Variants in HMG20A observed in about 807,000 individuals in gnomAD.
HMG20A encodes high mobility group protein 20A.
A neutral mutation model predicts 43.9 loss-of-function variants in HMG20A; 17 were observed. That is an observed-to-expected ratio of 0.39 (90% CI 0.27 to 0.58). The LOEUF (loss-of-function observed/expected upper bound fraction) is 0.58, where lower values mean the gene tolerates loss of function less well. Ranked by LOEUF, HMG20A falls within the 20% of genes least tolerant of loss-of-function variation. The pLI is 0.59. For synonymous variants in HMG20A, 132 were observed against 147.5 expected, an observed-to-expected ratio of 0.89 and a Z score of 0.76; for missense variants, 341 against 438.2, an observed-to-expected ratio of 0.78 and a Z score of 1.98.
intron 1 of HMG20A, among the ~76,000 whole-genome samples, chr15:77,429,678 A>G (rs1213586742): frequency 6.6e-6 from 1 of 152,244 alleles, no homozygotes; most frequent in East Asian, 1.9e-4. Context: ...TGATATCTAT[A>G]CTGTCTAAAA....
intron 1 of HMG20A, among the ~76,000 whole-genome samples, chr15:77,446,391 A>G (rs983617670): frequency 5.3e-5 from 8 of 152,160 alleles, no homozygotes; most frequent in African/African-American, 1.9e-4. Context: ...ATAGTGACAT[A>G]TGATAAACTG....
chr15:77,445,977 A>AG (rs1165916910), intron 1 of HMG20A, among the ~76,000 whole-genome samples: 1 of 152,234 alleles, frequency 6.6e-6, no homozygotes, highest in Non-Finnish European at 1.5e-5. Context: ...ACCACAGATA[A>AG]GGGGGGACTA....
chr15:77,464,503 C>A, intron 3 of HMG20A, 116 bp downstream of exon 3: 1 of 1,000,182 alleles, frequency 1.0e-6, no homozygotes, highest in Non-Finnish European at 1.4e-6. Flanking sequence ...TAGGCTGATA[C>A]CTGCAAAATT....
intron 1 of HMG20A, among the ~76,000 whole-genome samples, chr15:77,443,382 T>TGATGATGATGATG (rs1567394419): frequency 4.8e-5 from 5 of 104,524 alleles, no homozygotes; most frequent in African/African-American, 1.8e-4. Flanking sequence ...TGATGATGAT[T>TGATGATGATGATG]ATTATTATTA....
intron 1 of HMG20A, among the ~76,000 whole-genome samples, chr15:77,444,000 C>T (rs2073645668): frequency 6.6e-6 from 1 of 152,194 alleles, no homozygotes; most frequent in African/African-American, 2.4e-5. Flanking sequence ...TGTGAGCCAA[C>T]ATGCCCGACC....
chr15:77,475,197 A>G (rs12324627), intron 6 of HMG20A, among the ~76,000 whole-genome samples: 95,165 of 152,020 alleles, frequency 0.63, 30,443 homozygotes, highest in Non-Finnish European at 0.71. Context: ...AAGCCCCCAG[A>G]AGGATCCTCT....
At chr15:77,446,340 A>T (rs17471252) in intron 1 of HMG20A, among the ~76,000 whole-genome samples, 54,619 of 151,758 alleles carry the variant, frequency 0.36, 9,998 homozygotes, top group Non-Finnish European at 0.38. Flanking sequence ...TGTTGTTGGG[A>T]TTTTTAAATC....
intron 6 of HMG20A, 102 bp from the exon 7 acceptor site, chr15:77,477,453 C>T: frequency 1.2e-6 from 1 of 817,924 alleles, no homozygotes; most frequent in South Asian, 1.5e-5. Context: ...TTCCTGCTCA[C>T]CCTATTCTTT....
intron 1 of HMG20A, among the ~76,000 whole-genome samples, chr15:77,433,338 T>TAAA (rs56217820): frequency 0.073 from 8,644 of 118,292 alleles, 387 homozygotes; most frequent in Non-Finnish European, 0.099. Context: ...ACCCTGTCTC[T>TAAA]AAAAAAAAAA....
Position 77,458,508 on chromosome 15 carries a change from C to CT in HMG20A, c.89+15dup. The stretch of plus-strand genomic sequence containing the variant: ...CTGGCTACCACTGGGTAAGCAGCTG[C>CT]TTTAGGACACTGGACTTCTCCATAG... On this transcript the variant is annotated intron_variant, in intron 2 of 9. Coordinates refer to ENST00000336216, the MANE Select transcript of HMG20A (RefSeq NM_001304504.2). 6.4e-7 allele frequency: 1 copy of CT among 1,567,470 alleles called. No individual in the cohort carries two copies. The highest frequency in any genetic ancestry group is 8.8e-7 in the Non-Finnish European group (1 of 1,138,126).
intron 1 of HMG20A, among the ~76,000 whole-genome samples, chr15:77,452,638 A>G (rs1423652723): frequency 6.6e-6 from 1 of 152,232 alleles, no homozygotes; most frequent in Non-Finnish European, 1.5e-5. Flanking sequence ...AAGAGCTAAA[A>G]TTATAAAGCT....
chr15:77,429,976 A>G (rs1202375507), intron 1 of HMG20A, among the ~76,000 whole-genome samples: 4 of 152,246 alleles, frequency 2.6e-5, no homozygotes, highest in African/African-American at 7.2e-5. Flanking sequence ...AAGCAACATT[A>G]TAGAAGCAAC....
At chr15:77,519,560 A>G in the HMG20A span, among the ~76,000 whole-genome samples, 6 of 152,216 alleles carry the variant, frequency 3.9e-5, no homozygotes, top group Non-Finnish European at 5.9e-5. Flanking sequence ...AAGAGGCTCA[A>G]GTGAGCTCCC....
intron 1 of HMG20A, among the ~76,000 whole-genome samples, chr15:77,434,036 C>T (rs867139871): frequency 1.6e-4 from 25 of 152,262 alleles, no homozygotes; most frequent in African/African-American, 5.1e-4. Context: ...CAAGGATAGA[C>T]AGATCTGTGG....
intron 2 of HMG20A, among the ~76,000 whole-genome samples, chr15:77,458,812 A>AT (rs1595923368): frequency 6.6e-6 from 1 of 152,126 alleles, no homozygotes; most frequent in Admixed American, 6.6e-5. Context: ...AAACAAATGC[A>AT]TTTTTTCTGT....
intron 1 of HMG20A, among the ~76,000 whole-genome samples, chr15:77,434,432 G>C (rs1417295813): frequency 6.6e-6 from 1 of 151,798 alleles, no homozygotes; most frequent in African/African-American, 2.4e-5. Context: ...ATCTTCAAAA[G>C]ACATTATGAG....
At chr15:77,474,185 G>A (rs1196841137) in intron 6 of HMG20A, among the ~76,000 whole-genome samples, 1 of 152,196 alleles carries the variant, frequency 6.6e-6, no homozygotes, top group Non-Finnish European at 1.5e-5. Flanking sequence ...CCTAGGTTTT[G>A]TGGGCATCTC....
At chr15:77,462,516 G>A (rs1013345780) in intron 2 of HMG20A, among the ~76,000 whole-genome samples, 2 of 151,732 alleles carry the variant, frequency 1.3e-5, no homozygotes, top group African/African-American at 4.8e-5. Flanking sequence ...GTTCTCCTGG[G>A]GCATGTTTCC....
intron 3 of HMG20A, among the ~76,000 whole-genome samples, chr15:77,466,734 G>A (rs2072760044): frequency 1.3e-5 from 2 of 152,198 alleles, no homozygotes; most frequent in Non-Finnish European, 2.9e-5. Context: ...CTCCTGTCAG[G>A]AATCAGGACC....
Sources: gnomAD v4.1 joint callset for allele counts (sites outside exome capture counted in the v4.1 genomes callset) on GRCh38, gnomAD v4.1.1 for gene constraint, MANE v1.5 for transcripts, NCBI Gene and HGNC (gene_info 2026-07-23, HGNC 2026-07-21) for gene names.